PSMD9: variants seen among roughly 807,000 people sequenced by gnomAD.
The protein encoded by PSMD9 is 26S proteasome non-ATPase regulatory subunit 9.
In PSMD9, 26 loss-of-function variants were observed where a neutral mutation model predicts 25.9. That is an observed-to-expected ratio of 1.00 (90% CI 0.73 to 1.39). PSMD9 has a LOEUF of 1.39. PSMD9 is among the 40% of genes most tolerant of loss of function. The pLI is 0.00. For synonymous variants in PSMD9, 110 were observed against 114.5 expected (o/e 0.96, Z 0.25); for missense variants, 303 against 299.3 (o/e 1.01, Z -0.09).
chr12:121,889,084 C>T, intron 1 of PSMD9, 90 bp downstream of exon 1: 1 of 1,478,378 alleles, frequency 6.8e-7, no homozygotes, highest in Non-Finnish European at 9.1e-7. Context: ...AGTTTGGGCG[C>T]TCCGCAACGG....
chr12:121,913,527 T>TGTCACCCA (rs1161383274), intron 4 of PSMD9, among the ~76,000 whole-genome samples: 1 of 151,304 alleles, frequency 6.6e-6, no homozygotes, highest in African/African-American at 2.4e-5. Flanking sequence ...AATCTCACTC[T>TGTCACCCA]GTCACCCAGG....
chr12:121,906,584 C>G (rs889788210), intron 4 of PSMD9, among the ~76,000 whole-genome samples: 2 of 150,684 alleles, frequency 1.3e-5, no homozygotes, highest in Non-Finnish European at 2.9e-5. Flanking sequence ...GTGGGCAGAT[C>G]ACAAGGTCAA....
In PSMD9 at chr12:121,894,813, A is replaced by G; in HGVS notation, c.213A>G (p.Gln71=). 6.2e-7 allele frequency: 1 copy of G among 1,613,928 alleles called. No homozygotes were observed. The highest frequency in any genetic ancestry group is 8.5e-7 in the Non-Finnish European group (1 of 1,179,934). Residue 71 remains glutamine, a synonymous_variant, in exon 2 of 6, where the codon CAA becomes CAG. Transcript: ENST00000541212. ...CCCGGTCAGACGTGGACCTGTACCA[A>G]GTCCGCACCGCCAGGCACAACATCA... is the stretch of plus-strand genomic sequence containing the variant. The part of the protein sequence containing the change: ...GYPRSDVDLY[Q]VRTARHNIIC...
chr12:121,914,298 C>G (rs1879827805), intron 4 of PSMD9: 1 of 151,926 alleles, frequency 6.6e-6, no homozygotes, highest in Non-Finnish European at 1.5e-5. Flanking sequence ...GCCTGTAATC[C>G]CAGCACTTTG....
intron 3 of PSMD9, among the ~76,000 whole-genome samples, chr12:121,900,867 C>A (rs959990179): frequency 3.3e-5 from 5 of 151,774 alleles, no homozygotes; most frequent in Non-Finnish European, 7.4e-5. Flanking sequence ...TGCCTGTAAT[C>A]CCAGCTACTC....
chr12:121,904,136 C>T (rs1201815577), intron 4 of PSMD9, among the ~76,000 whole-genome samples: 1 of 151,982 alleles, frequency 6.6e-6, no homozygotes, highest in Non-Finnish European at 1.5e-5. Context: ...AGTGGTCAGG[C>T]CATCGTTTCT....
chr12:121,906,641 A>G (rs1879562086), intron 4 of PSMD9, among the ~76,000 whole-genome samples: 1 of 50,198 alleles, frequency 2.0e-5, no homozygotes, highest in Non-Finnish European at 3.8e-5. Flanking sequence ...GGTCTCTACT[A>G]AAAATACAAA....
At chr12:121,902,949 C>T (rs1879442793) in intron 3 of PSMD9, 57 bp from the exon 4 acceptor site, 9 of 1,406,034 alleles carry the variant, frequency 6.4e-6, no homozygotes, top group Non-Finnish European at 9.1e-6. Context: ...AGGTTAGAGA[C>T]CACCAGGAGC....
Position 121,912,649 on chromosome 12 carries a change from C to T in PSMD9, c.556-3207C>T, listed in dbSNP as rs575410712. Reference sequence around the variant, plus strand: ...GGGAGGCTGAGGCGGGCGGATCACTCGAGCTCAGGAGTTTGAGACCAGCCT... The same window carrying T: ...GGGAGGCTGAGGCGGGCGGATCACTTGAGCTCAGGAGTTTGAGACCAGCCT... On this transcript the variant is annotated intron_variant, in intron 4 of 5. Transcript: ENST00000541212. 6.6e-5 allele frequency among the ~76,000 whole-genome samples: 10 copies of T among 151,952 alleles called. No homozygotes were observed. In the East Asian group the frequency reaches 7.8e-4, roughly 12 times the overall value.
Position 121,888,816 on chromosome 12 carries a change from C to G in PSMD9, c.-41C>G, listed in dbSNP as rs769456187. 36 of 1,582,904 alleles carry G rather than the reference C, an allele frequency of 2.3e-5. No individual in the cohort carries two copies. Among genetic ancestry groups the G allele is most frequent in the South Asian group, 3.4e-5 (3 of 87,158 alleles). On this transcript the variant is annotated 5_prime_UTR_variant, in exon 1 of 6. Transcript: ENST00000541212. ...CGGTCGACTGGGGCGTCGTCCCTAG[C>G]CCGGGAGCCGGGTCTCTGGAGTCGC... is the stretch of plus-strand genomic sequence containing the variant.
intron 3 of PSMD9, among the ~76,000 whole-genome samples, chr12:121,901,701 A>C (rs1238014146): frequency 1.1e-5 from 1 of 87,364 alleles, no homozygotes; most frequent in African/African-American, 5.9e-5. Flanking sequence ...TTTGAGACGG[A>C]GTCTCGCTCT....
chr12:121,898,282 G>T (rs1440450536), intron 2 of PSMD9: 2 of 152,244 alleles, frequency 1.3e-5, no homozygotes, highest in African/African-American at 4.8e-5. Context: ...ACCAGCTGCT[G>T]TGCTGGCGTG....
chr12:121,908,878 GGT>G (rs763540841), intron 4 of PSMD9, among the ~76,000 whole-genome samples: 1 of 152,072 alleles, frequency 6.6e-6, no homozygotes, highest in Non-Finnish European at 1.5e-5. Context: ...CTCAAAGGAG[GGT>G]GGAGCCCAGA....
chr12:121,907,742 C>T (rs1458198919), intron 4 of PSMD9, among the ~76,000 whole-genome samples: 2 of 152,130 alleles, frequency 1.3e-5, no homozygotes, highest in African/African-American at 4.8e-5. Context: ...CAAATTATGT[C>T]TCAATGATAA....
At chr12:121,908,522 G>A (rs1292033086) in intron 4 of PSMD9, among the ~76,000 whole-genome samples, 2 of 152,118 alleles carry the variant, frequency 1.3e-5, no homozygotes, top group Non-Finnish European at 1.5e-5. Context: ...CCCTTCCTTA[G>A]TGCCTCTTCC....
chr12:121,912,032 TA>T (rs1415591641), intron 4 of PSMD9, among the ~76,000 whole-genome samples: 35 of 149,420 alleles, frequency 2.3e-4, no homozygotes, highest in African/African-American at 8.6e-4. Flanking sequence ...TTTATTTATT[TA>T]TTTATTTATT....
At chr12:121,892,632 C>T (rs1879118893) in intron 1 of PSMD9, among the ~76,000 whole-genome samples, 1 of 151,778 alleles carries the variant, frequency 6.6e-6, no homozygotes, top group South Asian at 2.1e-4. Flanking sequence ...ACCCAGGAGG[C>T]GGAGCTTGCA....
chr12:121,916,083 C>G (rs547223624), intron 5 of PSMD9, 139 bp downstream of exon 5: 8 of 1,178,336 alleles, frequency 6.8e-6, no homozygotes, highest in Non-Finnish European at 9.9e-6. Context: ...GATAAATCCT[C>G]GTGGTAGGAA....
At chr12:121,901,663 C>CTTTTTTTT (rs1376133221) in intron 3 of PSMD9, among the ~76,000 whole-genome samples, 3 of 113,834 alleles carry the variant, frequency 2.6e-5, no homozygotes, top group African/African-American at 1.3e-4. Flanking sequence ...CCCTTCATTC[C>CTTTTTTTT]TTCTTTTTTT....
Sources: allele counts gnomAD v4.1 joint callset (sites outside exome capture counted in the v4.1 genomes callset), GRCh38; gene constraint gnomAD v4.1.1; transcripts MANE v1.5; gene names NCBI Gene and HGNC (gene_info 2026-07-23, HGNC 2026-07-21).